LMF1: variants seen among roughly 807,000 people sequenced by gnomAD.
The protein encoded by LMF1 is lipase maturation factor 1, also known as transmembrane protein 112.
Under a neutral mutation model 60.6 loss-of-function variants are expected in LMF1, and 68 were observed. That is an observed-to-expected ratio of 1.12 (90% CI 0.92 to 1.37). The LOEUF is 1.37. LMF1 is among the 40% of genes most tolerant of loss of function. The pLI is 0.00. For synonymous variants in LMF1, 418 were observed against 324.7 expected (o/e 1.29, Z -3.09); for missense variants, 948 against 767.2 (o/e 1.24, Z -2.78).
chr16:956,161 C>T (rs1482626188), intron 1 of LMF1, among the ~76,000 whole-genome samples: 2 of 120,986 alleles, frequency 1.7e-5, no homozygotes, highest in African/African-American at 7.8e-5. Flanking sequence ...GTTCATGTCT[C>T]ACGGCGCCCA....
At chr16:912,606 G>A (rs1385746050) in intron 3 of LMF1, among the ~76,000 whole-genome samples, 1 of 152,202 alleles carries the variant, frequency 6.6e-6, no homozygotes, top group African/African-American at 2.4e-5. Context: ...GGCTTATGGA[G>A]GGCACAGGCT....
chr16:945,251 G>A (rs369415050), intron 2 of LMF1, among the ~76,000 whole-genome samples: 9 of 151,504 alleles, frequency 5.9e-5, no homozygotes, highest in South Asian at 4.2e-4. Context: ...GCTGGGCACG[G>A]TGGCTCATGC....
intron 5 of LMF1, among the ~76,000 whole-genome samples, chr16:880,552 C>T (rs1364542884): frequency 6.6e-6 from 1 of 152,190 alleles, no homozygotes; most frequent in African/African-American, 2.4e-5. Context: ...TGCCTGTAGC[C>T]CCAGCTACCC....
intron 2 of LMF1, among the ~76,000 whole-genome samples, chr16:950,413 T>G (rs1597058360): frequency 1.8e-5 from 2 of 114,262 alleles, no homozygotes; most frequent in African/African-American, 3.9e-5. Flanking sequence ...AACGACAGAG[T>G]CAGAGACAAC....
chr16:854,698 C>A lies in LMF1; in HGVS notation c.1538G>T (p.Arg513Leu). 6.3e-7 allele frequency: 1 copy of A among 1,590,980 alleles called. No homozygotes were observed. Among genetic ancestry groups the A allele is most frequent in the Non-Finnish European group, 8.5e-7 (1 of 1,173,700 alleles). The change falls in exon 11 of 11, where the codon CGA (arginine) becomes CTA (leucine). Residue 513 changes from arginine (R) to leucine (L), a missense_variant. By Grantham distance (102) the Arg-to-Leu change is moderately radical (BLOSUM62 -2). Coordinates refer to ENST00000262301, the MANE Select transcript of LMF1 (RefSeq NM_022773.4). Reference protein sequence around the residue: ...FAGRPPPRWVRGEHYRYKFSR... With the variant: ...FAGRPPPRWVLGEHYRYKFSR... ...GAACTTGTACCTGTAGTGCTCTCCT[C>A]GGACCCACCTGCAAGGGGGCACATG... is the stretch of plus-strand genomic sequence containing the variant.
In LMF1 at chr16:912,351, C is replaced by T. The variant is rs537784199; in HGVS notation, c.515-1272G>A. 2.8e-4 allele frequency among the ~76,000 whole-genome samples: 43 copies of T among 152,234 alleles called. No individual in the cohort carries two copies. The South Asian group carries it at 4.6e-3, about 16-fold the overall frequency. The stretch of plus-strand genomic sequence containing the variant: ...CGGGAGAGTGCAGAGGGGAAGCAGA[C>T]GGAGGCTCGCGGGGAGCTTCCTCCA... On this transcript the variant is annotated intron_variant, in intron 3 of 10. Coordinates refer to ENST00000262301, the MANE Select transcript of LMF1 (RefSeq NM_022773.4).
At chr16:980,852 C>T (rs1043419668) in intron 1 of LMF1, 2 of 152,160 alleles carry the variant, frequency 1.3e-5, no homozygotes, top group African/African-American at 2.4e-5. Flanking sequence ...TCGGAGCGGC[C>T]TCCGCCTCTG....
At chr16:979,287 T>C (rs1281727240) in intron 1 of LMF1, 1 of 360,594 alleles carries the variant, frequency 2.8e-6, no homozygotes, top group South Asian at 2.0e-5. Context: ...GAAGGGGGGT[T>C]TGTGGGCACC....
In LMF1 at chr16:970,705, C is replaced by T. The variant is rs779206670; in HGVS notation, c.193+83G>A. 4 of 1,305,068 alleles carry T rather than the reference C, an allele frequency of 3.1e-6. No individual in the cohort carries two copies. The East Asian group carries it at 9.0e-5, about 29-fold the overall frequency. 80.8% of individuals were successfully genotyped at this position (1,305,068 alleles called of 1,614,324 possible). A position where few individuals can be genotyped will look rare whatever the true frequency, so the allele number is the denominator to read the frequency against. On this transcript the variant is annotated intron_variant, in intron 1 of 10. Transcript: ENST00000262301. ...TGGGGGCGCCGCGGCCGCGAGACCG[C>T]GCGGAGGAGTCTCGAGGGAGGGCGG...
At chr16:931,650 C>G (rs754005401) in intron 3 of LMF1, 15 of 1,287,020 alleles carry the variant, frequency 1.2e-5, no homozygotes, top group African/African-American at 9.1e-5. Flanking sequence ...ACCTCAGTAA[C>G]TGGCAGCTCT....
intron 8 of LMF1, 42 bp downstream of exon 8, chr16:870,687 C>T: frequency 6.2e-7 from 1 of 1,607,050 alleles, no homozygotes; most frequent in Non-Finnish European, 8.5e-7. Flanking sequence ...CTGAGTCTCC[C>T]CATATACCCA....
intron 3 of LMF1, among the ~76,000 whole-genome samples, chr16:926,538 GAAGAT>G (rs1293434371): frequency 6.6e-6 from 1 of 152,276 alleles, no homozygotes; most frequent in East Asian, 1.9e-4. Flanking sequence ...GAGTTGGCAT[GAAGAT>G]AAGAATGGAC....
At chr16:917,388 C>T (rs937498681) in intron 3 of LMF1, among the ~76,000 whole-genome samples, 5 of 132,356 alleles carry the variant, frequency 3.8e-5, no homozygotes. Flanking sequence ...GTGTGCGCTG[C>T]GGGCGGGCGC....
intron 1 of LMF1, among the ~76,000 whole-genome samples, chr16:956,554 G>C (rs1050308142): frequency 4.5e-4 from 68 of 152,342 alleles, no homozygotes; most frequent in African/African-American, 1.5e-3. Flanking sequence ...ATAAAAAGTA[G>C]ATTTAAGGGC....
intron 2 of LMF1, among the ~76,000 whole-genome samples, chr16:945,186 G>C (rs956792590): frequency 7.5e-6 from 1 of 133,722 alleles, no homozygotes; most frequent in Non-Finnish European, 1.5e-5. Flanking sequence ...ACTCCAGCCT[G>C]GGCGACAAGA....
chr16:917,092 G>A (rs143636712), intron 3 of LMF1, among the ~76,000 whole-genome samples: 13 of 152,338 alleles, frequency 8.5e-5, no homozygotes, highest in Non-Finnish European at 1.8e-4. Context: ...CTAAAGTCAC[G>A]TGTATGGGGC....
chr16:891,261 G>A (rs535313624), intron 5 of LMF1, among the ~76,000 whole-genome samples: 5 of 152,322 alleles, frequency 3.3e-5, no homozygotes, highest in African/African-American at 9.6e-5. Context: ...CACCCTGGTG[G>A]TCCTGGCCAG....
At chr16:980,018 G>T in intron 1 of LMF1, 1 of 332,236 alleles carries the variant, frequency 3.0e-6, no homozygotes, top group Non-Finnish European at 6.0e-6. Flanking sequence ...AAGCGAGATG[G>T]TGGGACGGGG....
intron 3 of LMF1, among the ~76,000 whole-genome samples, chr16:918,284 T>C (rs2071335390): frequency 6.6e-6 from 1 of 152,144 alleles, no homozygotes; most frequent in Non-Finnish European, 1.5e-5. Flanking sequence ...TGTTCGTACT[T>C]GGTTGCCGTG....
Sources: allele counts gnomAD v4.1 joint callset (sites outside exome capture counted in the v4.1 genomes callset), GRCh38; gene constraint gnomAD v4.1.1; transcripts MANE v1.5; gene names NCBI Gene and HGNC (gene_info 2026-07-23, HGNC 2026-07-21).